BAIAP2L1: variants seen among roughly 807,000 people sequenced by gnomAD.
The protein encoded by BAIAP2L1 is BAR/IMD domain containing adaptor protein 2 like 1.
Under a neutral mutation model 66.3 loss-of-function variants are expected in BAIAP2L1, and 35 were observed. The observed-to-expected ratio is 0.53, with a 90% CI of 0.40 to 0.70. The LOEUF (loss-of-function observed/expected upper bound fraction) is 0.70. Ranked by LOEUF, BAIAP2L1 falls within the 30% of genes least tolerant of loss-of-function variation. The pLI is 0.00. For missense variants in BAIAP2L1, 622 were observed against 656.9 expected (o/e 0.95, Z 0.58); for synonymous variants, 269 against 248.7 (o/e 1.08, Z -0.77).
At chr7:98,355,333 C>A in intron 2 of BAIAP2L1, 1 of 582,424 alleles carries the variant, frequency 1.7e-6, no homozygotes, top group African/African-American at 1.9e-5. Flanking sequence ...CCATGAGATC[C>A]TCGTCTCTGA....
chr7:98,321,648 T>A (rs1247427414), intron 3 of BAIAP2L1, among the ~76,000 whole-genome samples: 1 of 152,194 alleles, frequency 6.6e-6, no homozygotes. Flanking sequence ...TGCCAACTTA[T>A]CTGCAGGAAC....
chr7:98,380,828 G>GCCCCA (rs1802742453), intron 1 of BAIAP2L1, among the ~76,000 whole-genome samples: 1 of 41,550 alleles, frequency 2.4e-5, no homozygotes, highest in South Asian at 7.0e-4. Flanking sequence ...CCCAACCCCC[G>GCCCCA]CCCCACCCCT....
At chr7:98,298,569 T>C (rs1800287159) in intron 12 of BAIAP2L1, among the ~76,000 whole-genome samples, 1 of 151,728 alleles carries the variant, frequency 6.6e-6, no homozygotes, top group African/African-American at 2.4e-5. Flanking sequence ...GCCGAGATGG[T>C]GCCACTGCAC....
At chr7:98,370,997 C>A (rs903172281) in intron 1 of BAIAP2L1, among the ~76,000 whole-genome samples, 1 of 152,122 alleles carries the variant, frequency 6.6e-6, no homozygotes, top group Non-Finnish European at 1.5e-5. Flanking sequence ...TGGGGGAGAG[C>A]TGTAGTTGAG....
In BAIAP2L1 at chr7:98,355,119, A is replaced by G; in HGVS notation, c.137T>C (p.Leu46Pro). The G allele has an allele frequency of 8.7e-6, 14 of 1,612,042 alleles. No individual in the cohort carries two copies. Among genetic ancestry groups the G allele is most frequent in the Non-Finnish European group, 1.2e-5 (14 of 1,178,142 alleles). ...NYEKAVNAMILAGKAYYDGVA... is the reference protein window; with the variant it reads ...NYEKAVNAMIPAGKAYYDGVA... ...TCCATCGTAGTAGGCTTTTCCTGCCAGGATCATAGCTAGACACAAAAGGTG... is the reference window on the plus strand; with the variant it reads ...TCCATCGTAGTAGGCTTTTCCTGCCGGGATCATAGCTAGACACAAAAGGTG... Residue 46 changes from leucine to proline, a missense_variant, in exon 3 of 14, where the codon CTG becomes CCG. Physicochemically the swap from Leu to Pro is moderately conservative, Grantham distance 98. Transcript: ENST00000005260.
At chr7:98,372,855 C>G (rs1248034361) in intron 1 of BAIAP2L1, among the ~76,000 whole-genome samples, 1 of 146,904 alleles carries the variant, frequency 6.8e-6, no homozygotes, top group Non-Finnish European at 1.5e-5. Context: ...AAGCGGTTTT[C>G]GTGCCTAAGG....
chr7:98,344,763 C>T (rs1170255491), intron 3 of BAIAP2L1, among the ~76,000 whole-genome samples: 4 of 152,100 alleles, frequency 2.6e-5, no homozygotes, highest in Admixed American at 6.6e-5. Flanking sequence ...GGTGAAACCC[C>T]GTCTCTACTA....
chr7:98,298,603 A>T (rs990777902), intron 12 of BAIAP2L1, among the ~76,000 whole-genome samples: 2 of 151,712 alleles, frequency 1.3e-5, no homozygotes, highest in Admixed American at 6.6e-5. Flanking sequence ...ACAGAGCAAG[A>T]CTCTGTCTCA....
chr7:98,396,781 C>T (rs2115866705), intron 1 of BAIAP2L1, among the ~76,000 whole-genome samples: 1 of 152,270 alleles, frequency 6.6e-6, no homozygotes, highest in South Asian at 2.1e-4. Flanking sequence ...AAGCAAGACC[C>T]TGTCTCAAAA....
chr7:98,330,752 A>G (rs931148961), intron 3 of BAIAP2L1, among the ~76,000 whole-genome samples: 1 of 152,196 alleles, frequency 6.6e-6, no homozygotes, highest in Non-Finnish European at 1.5e-5. Flanking sequence ...AGCCCTCAGG[A>G]AACTTCTACT....
intron 3 of BAIAP2L1, among the ~76,000 whole-genome samples, chr7:98,352,369 C>T (rs913562853): frequency 1.3e-5 from 2 of 152,176 alleles, no homozygotes; most frequent in Non-Finnish European, 2.9e-5. Context: ...TGGCTGGGCA[C>T]GGTGGCACAC....
intron 1 of BAIAP2L1, among the ~76,000 whole-genome samples, chr7:98,392,401 C>A (rs1462543231): frequency 6.6e-6 from 1 of 152,094 alleles, no homozygotes; most frequent in Non-Finnish European, 1.5e-5. Flanking sequence ...ACTCTCACAC[C>A]ATGCAGACAA....
chr7:98,361,913 G>A (rs542594828), intron 2 of BAIAP2L1, among the ~76,000 whole-genome samples: 1 of 151,920 alleles, frequency 6.6e-6, no homozygotes, highest in South Asian at 2.1e-4. Context: ...TTTCATTCAA[G>A]CTAAAAATAT....
At chr7:98,357,213 A>G (rs1802158472) in intron 2 of BAIAP2L1, among the ~76,000 whole-genome samples, 1 of 149,492 alleles carries the variant, frequency 6.7e-6, no homozygotes, top group Non-Finnish European at 1.5e-5. Context: ...GAAGGTATGA[A>G]AAGCCAAAAC....
chr7:98,324,245 A>G (rs1478414121), intron 3 of BAIAP2L1, among the ~76,000 whole-genome samples: 1 of 152,238 alleles, frequency 6.6e-6, no homozygotes, highest in Non-Finnish European at 1.5e-5. Flanking sequence ...ATATACACGT[A>G]TTTCAAAAGC....
intron 2 of BAIAP2L1, among the ~76,000 whole-genome samples, chr7:98,358,364 T>G (rs1468340): frequency 0.38 from 57,426 of 151,490 alleles, 12,326 homozygotes; most frequent in Middle Eastern, 0.54. Flanking sequence ...TTTTTTGTTT[T>G]TTTTTTTTTA....
intron 1 of BAIAP2L1, among the ~76,000 whole-genome samples, chr7:98,368,303 C>T (rs1011594186): frequency 5.3e-5 from 8 of 152,090 alleles, no homozygotes; most frequent in African/African-American, 1.9e-4. Flanking sequence ...CCTGTAATCC[C>T]AGCTGCTCAG....
intron 9 of BAIAP2L1, chr7:98,310,133 G>A (rs964932229): frequency 4.0e-6 from 1 of 250,460 alleles, no homozygotes. Context: ...TTACAGGCGT[G>A]AGCCACCGCG....
chr7:98,319,111 G>A (rs531155786), intron 5 of BAIAP2L1, among the ~76,000 whole-genome samples: 22 of 152,272 alleles, frequency 1.4e-4, no homozygotes, highest in Non-Finnish European at 2.6e-4. Flanking sequence ...TCACGAGGAC[G>A]ACAGGGGAGG....
Sources: gnomAD v4.1 joint callset for allele counts (sites outside exome capture counted in the v4.1 genomes callset) on GRCh38, gnomAD v4.1.1 for gene constraint, MANE v1.5 for transcripts, NCBI Gene and HGNC (gene_info 2026-07-23, HGNC 2026-07-21) for gene names.